The following LARGE1 variants were observed in gnomAD, a reference collection of about 807,000 sequenced individuals.
LARGE1 encodes xylosyl- and glucuronyltransferase LARGE1.
A neutral mutation model predicts 87.6 loss-of-function variants in LARGE1; 43 were observed. The observed-to-expected ratio is 0.49, with a 90% CI of 0.38 to 0.63. LARGE1 has a LOEUF of 0.63. Ranked by LOEUF, LARGE1 falls within the 30% of genes least tolerant of loss-of-function variation. The pLI is 0.00. For synonymous variants in LARGE1, 434 were observed against 394.6 expected, an observed-to-expected ratio of 1.10 and a Z score of -1.18; for missense variants, 802 against 1,000.2, an observed-to-expected ratio of 0.80 and a Z score of 2.67.
chr22:33,630,858 CT>C (rs534058941), intron 3 of LARGE1, among the ~76,000 whole-genome samples: 15,838 of 145,764 alleles, frequency 0.11, 2,592 homozygotes, highest in African/African-American at 0.36. Context: ...TTAACTATCT[CT>C]TTTTTTTTTT....
At chr22:33,523,903 G>GC (rs1487215896) in intron 6 of LARGE1, among the ~76,000 whole-genome samples, 2 of 152,066 alleles carry the variant, frequency 1.3e-5, no homozygotes, top group African/African-American at 2.4e-5. Flanking sequence ...ATAGTTCTAT[G>GC]CCATTTTATC....
intron 3 of LARGE1, among the ~76,000 whole-genome samples, chr22:33,642,578 GACAC>G (rs2080471398): frequency 1.3e-5 from 2 of 152,012 alleles, no homozygotes; most frequent in South Asian, 4.2e-4. Context: ...TCAGTTAAAA[GACAC>G]AGACTGGCAA....
At chr22:33,149,926 C>G in the LARGE1 span, among the ~76,000 whole-genome samples, 1 of 152,148 alleles carries the variant, frequency 6.6e-6, no homozygotes, top group Non-Finnish European at 1.5e-5. Context: ...CTTCCTTCTA[C>G]GTAATTATTT....
At position 33,821,828 on chromosome 22, in the gene LARGE1, T is replaced by C. The variant is rs1024786978; in HGVS notation, c.-82-60270A>G. Among the ~76,000 whole-genome samples the C allele has an allele frequency of 4.0e-5, 6 of 151,794 alleles. 1 individual carries two copies. The highest frequency in any genetic ancestry group is 8.8e-5 in the Non-Finnish European group (6 of 67,972). On this transcript the variant is annotated intron_variant, in intron 1 of 14. Coordinates refer to ENST00000397394, the MANE Select transcript of LARGE1 (RefSeq NM_133642.5). ...ATCATTATGATGGATAAGAAAAAAATAGGAACAGAGGAATTAGACTGAAAA... is the reference window on the plus strand; with the variant it reads ...ATCATTATGATGGATAAGAAAAAAACAGGAACAGAGGAATTAGACTGAAAA...
intron 7 of LARGE1, among the ~76,000 whole-genome samples, chr22:33,396,025 C>G (rs1203114294): frequency 1.3e-5 from 2 of 152,192 alleles, no homozygotes; most frequent in Non-Finnish European, 2.9e-5. Context: ...TGGCTTTGGT[C>G]TGCACTTCCT....
intron 1 of LARGE1, among the ~76,000 whole-genome samples, chr22:33,855,517 G>C (rs144955973): frequency 1.3e-5 from 2 of 152,228 alleles, no homozygotes; most frequent in Middle Eastern, 3.4e-3. Flanking sequence ...CGCCTCACCA[G>C]GGCTGTGTGG....
chr22:33,888,046 T>C (rs2064903665), intron 1 of LARGE1, among the ~76,000 whole-genome samples: 1 of 152,070 alleles, frequency 6.6e-6, no homozygotes, highest in Non-Finnish European at 1.5e-5. Flanking sequence ...CATCGTTCCT[T>C]CCCAATGTGG....
intron 6 of LARGE1, among the ~76,000 whole-genome samples, chr22:33,543,207 GAAAAAAAGA>G (rs1193379543): frequency 1.8e-5 from 2 of 108,118 alleles, no homozygotes; most frequent in African/African-American, 2.9e-5. Flanking sequence ...GGCCAAAAAA[GAAAAAAAGA>G]AAAAAAAAAA....
chr22:33,375,305 T>G (rs1048204915), intron 9 of LARGE1, among the ~76,000 whole-genome samples: 4 of 152,160 alleles, frequency 2.6e-5, no homozygotes, highest in African/African-American at 9.7e-5. Context: ...CTCTCCAAAG[T>G]TTGGAGAGAT....
intron 6 of LARGE1, among the ~76,000 whole-genome samples, chr22:33,472,858 A>G (rs5994754): frequency 0.03 from 4,616 of 152,348 alleles, 229 homozygotes; most frequent in African/African-American, 0.11. Flanking sequence ...TGATACCAGT[A>G]GCAGTGCTGC....
chr22:33,514,358 A>G (rs1285778862), intron 6 of LARGE1, among the ~76,000 whole-genome samples: 3 of 152,218 alleles, frequency 2.0e-5, no homozygotes, highest in Non-Finnish European at 1.5e-5. Context: ...TCATAGACAT[A>G]TGCACACACA....
intron 1 of LARGE1, among the ~76,000 whole-genome samples, chr22:33,813,625 G>C (rs2086566248): frequency 6.6e-6 from 1 of 152,140 alleles, no homozygotes; most frequent in Admixed American, 6.6e-5. Flanking sequence ...TCGGCTGTGG[G>C]CTCGATGACA....
chr22:33,631,317 A>C (rs1282857230), intron 3 of LARGE1, among the ~76,000 whole-genome samples: 1 of 152,170 alleles, frequency 6.6e-6, no homozygotes, highest in Non-Finnish European at 1.5e-5. Flanking sequence ...ATAATTGCAC[A>C]CCACTGTGCC....
intron 6 of LARGE1, among the ~76,000 whole-genome samples, chr22:33,434,699 ACATTT>A (rs1569160082): frequency 1.4e-4 from 22 of 152,322 alleles, no homozygotes; most frequent in African/African-American, 5.1e-4. Flanking sequence ...GGCATCCCAT[ACATTT>A]TATTTTGCCT....
chr22:33,259,789 T>C (rs761714511), intron 11 of LARGE1, among the ~76,000 whole-genome samples: 3 of 152,050 alleles, frequency 2.0e-5, no homozygotes, highest in Non-Finnish European at 4.4e-5. Context: ...GACCCAGGAG[T>C]GCCATTCTTA....
intron 6 of LARGE1, among the ~76,000 whole-genome samples, chr22:33,539,181 C>A (rs2077121582): frequency 6.6e-6 from 1 of 151,340 alleles, no homozygotes; most frequent in South Asian, 2.1e-4. Flanking sequence ...AGGATACAAT[C>A]AAAAAAGTGT....
chr22:33,306,386 T>C (rs976601181), intron 11 of LARGE1, among the ~76,000 whole-genome samples: 3 of 152,290 alleles, frequency 2.0e-5, no homozygotes, highest in South Asian at 2.1e-4. Flanking sequence ...TTCTAGCATG[T>C]AGACATGAGA....
intron 7 of LARGE1, among the ~76,000 whole-genome samples, chr22:33,389,878 C>T (rs1601672854): frequency 7.5e-6 from 1 of 133,384 alleles, no homozygotes; most frequent in East Asian, 2.0e-4. Flanking sequence ...AACCAACCAA[C>T]CAACCAACCA....
chr22:33,212,544 T>A (rs1199156147), intron 11 of LARGE1, among the ~76,000 whole-genome samples: 1 of 152,222 alleles, frequency 6.6e-6, no homozygotes, highest in African/African-American at 2.4e-5. Flanking sequence ...TTCATGTCTT[T>A]TAACACAACA....
Sources: allele counts gnomAD v4.1 joint callset (sites outside exome capture counted in the v4.1 genomes callset), GRCh38; gene constraint gnomAD v4.1.1; transcripts MANE v1.5; gene names NCBI Gene and HGNC (gene_info 2026-07-23, HGNC 2026-07-21).